The following NCOA1 variants were observed in gnomAD, a reference collection of about 807,000 sequenced individuals.
NCOA1 encodes the protein Hin-2 protein.
NCOA1 carries 35 observed loss-of-function variants against 150.9 expected under a neutral mutation model. The observed-to-expected ratio is 0.23, with a 90% CI of 0.18 to 0.31. The LOEUF (loss-of-function observed/expected upper bound fraction) is 0.31. Ranked by LOEUF, NCOA1 falls within the 10% of genes least tolerant of loss-of-function variation. NCOA1 has a pLI of 1.00. For missense variants in NCOA1, 1,491 were observed against 1,749.3 expected, an observed-to-expected ratio of 0.85 and a Z score of 2.63; for synonymous variants, 590 against 630.0, an observed-to-expected ratio of 0.94 and a Z score of 0.95.
intron 14 of NCOA1, among the ~76,000 whole-genome samples, chr2:24,722,526 C>T (rs941416053): frequency 2.6e-5 from 4 of 151,912 alleles, no homozygotes; most frequent in African/African-American, 9.7e-5. Context: ...AAAAGTGTAC[C>T]TATGAGGAAA....
chr2:24,603,195 C>A (rs574622050), intron 3 of NCOA1, among the ~76,000 whole-genome samples: 151 of 152,184 alleles, frequency 9.9e-4, no homozygotes, highest in African/African-American at 3.5e-3. Context: ...AATATATATA[C>A]CTTAATTAAA....
At chr2:24,664,401 C>A (rs1671318763) in intron 5 of NCOA1, among the ~76,000 whole-genome samples, 1 of 152,010 alleles carries the variant, frequency 6.6e-6, no homozygotes, top group African/African-American at 2.4e-5. Flanking sequence ...TTTTTATAGT[C>A]TTTAATATTA....
chr2:24,537,594 T>C (rs1402007037), intron 1 of NCOA1, among the ~76,000 whole-genome samples: 1 of 151,490 alleles, frequency 6.6e-6, no homozygotes, highest in African/African-American at 2.4e-5. Context: ...GGTGAGGAAA[T>C]GGGGATATGT....
chr2:24,691,455 G>C, intron 8 of NCOA1, 26 bp from the exon 9 acceptor site: 1 of 1,606,658 alleles, frequency 6.2e-7, no homozygotes, highest in Non-Finnish European at 8.5e-7. Flanking sequence ...ATATTCGCAA[G>C]CACATAATCA....
intron 4 of NCOA1, among the ~76,000 whole-genome samples, chr2:24,647,403 T>G (rs1194279846): frequency 6.6e-6 from 1 of 152,180 alleles, no homozygotes; most frequent in Admixed American, 6.5e-5. Context: ...TAACATGGAT[T>G]ATAATATTAC....
At chr2:24,733,432 A>G (rs1444548186) in intron 17 of NCOA1, among the ~76,000 whole-genome samples, 1 of 152,256 alleles carries the variant, frequency 6.6e-6, no homozygotes, top group Admixed American at 6.5e-5. Flanking sequence ...AAATAATACA[A>G]CTATTTATAT....
intron 3 of NCOA1, among the ~76,000 whole-genome samples, chr2:24,588,326 T>C (rs1667503714): frequency 6.6e-6 from 1 of 152,168 alleles, no homozygotes; most frequent in African/African-American, 2.4e-5. Flanking sequence ...CAAGCAATCC[T>C]CCCACTTCAG....
At chr2:24,750,276 A>G (rs939653210) in intron 19 of NCOA1, among the ~76,000 whole-genome samples, 1 of 152,364 alleles carries the variant, frequency 6.6e-6, no homozygotes, top group Admixed American at 6.5e-5. Context: ...GAAAATGCAA[A>G]GGACCTAGAG....
chr2:24,516,382 CG>C (rs1470445284), intron 1 of NCOA1, among the ~76,000 whole-genome samples: 2 of 151,198 alleles, frequency 1.3e-5, no homozygotes, highest in Non-Finnish European at 3.0e-5. Context: ...TTAGTAGAGA[CG>C]GGGTTTCACC....
rs550249173 is a variant in NCOA1, at chr2:24,516,753, G to A, written c.-396+25151G>A. On this transcript the variant is annotated intron_variant, in intron 1 of 22. Coordinates refer to ENST00000348332, the MANE Select transcript of NCOA1 (RefSeq NM_003743.5). ...TTCTCACTTTCTCTCTTATACCTCT[G>A]TTACTCCCATTGCTGTGAAGTTGCC... Among the ~76,000 whole-genome samples, 35 of 145,022 alleles carry A rather than the reference G, an allele frequency of 2.4e-4. No homozygotes were observed. In the South Asian group the frequency reaches 7.0e-3, roughly 29 times the overall value.
intron 1 of NCOA1, among the ~76,000 whole-genome samples, chr2:24,526,755 G>A (rs1354874857): frequency 1.3e-5 from 2 of 151,772 alleles, no homozygotes; most frequent in Non-Finnish European, 2.9e-5. Context: ...TATATTTAAG[G>A]TGTACAACAT....
chr2:24,742,306 G>T, intron 19 of NCOA1, 120 bp downstream of exon 19: 2 of 1,215,612 alleles, frequency 1.6e-6, no homozygotes, highest in African/African-American at 1.5e-5. Flanking sequence ...ACACTGACGT[G>T]GGAGTCTGGA....
At position 24,760,769 on chromosome 2, in the gene NCOA1, G is replaced by A. The variant is rs55775086; in HGVS notation, c.4066-1918G>A. On this transcript the variant is annotated intron_variant, in intron 21 of 22. Coordinates refer to ENST00000348332, the MANE Select transcript of NCOA1 (RefSeq NM_003743.5). ...TATTTTCTTCATATTTCTTATTCTT[G>A]GGGTTCATTGAGCTTCTTGATTCAT... is the stretch of plus-strand genomic sequence containing the variant. 4.4e-3 allele frequency among the ~76,000 whole-genome samples: 670 copies of A among 151,990 alleles called. 6 individuals are homozygous for A. Among genetic ancestry groups the A allele is most frequent in the African/African-American group, 0.015 (641 of 41,438 alleles).
chr2:24,499,446 A>G (rs1335679026), intron 1 of NCOA1, among the ~76,000 whole-genome samples: 1 of 152,128 alleles, frequency 6.6e-6, no homozygotes, highest in Non-Finnish European at 1.5e-5. Context: ...TGTTTATCAG[A>G]TCTAATTTCA....
chr2:24,591,264 A>G (rs1396413432), intron 3 of NCOA1, among the ~76,000 whole-genome samples: 1 of 152,202 alleles, frequency 6.6e-6, no homozygotes, highest in Admixed American at 6.5e-5. Flanking sequence ...TCTTAAGTAA[A>G]ACATAATAAT....
At chr2:24,751,321 A>G (rs1244347901) in intron 19 of NCOA1, among the ~76,000 whole-genome samples, 1 of 149,370 alleles carries the variant, frequency 6.7e-6, no homozygotes, top group Non-Finnish European at 1.5e-5. Context: ...GGTGGCTCAC[A>G]CCTGTAATCC....
intron 19 of NCOA1, among the ~76,000 whole-genome samples, chr2:24,745,158 T>C (rs1663832779): frequency 8.2e-6 from 1 of 121,942 alleles, no homozygotes; most frequent in Non-Finnish European, 1.7e-5. Flanking sequence ...TTCTTTTTTC[T>C]TTTTTTTTTT....
chr2:24,711,948 T>A (rs1175418480), intron 14 of NCOA1, among the ~76,000 whole-genome samples: 3 of 152,266 alleles, frequency 2.0e-5, no homozygotes, highest in Non-Finnish European at 4.4e-5. Context: ...TGGTATCATA[T>A]GTGGGACTTC....
rs1397942637 is a variant in NCOA1 at position 24,514,316 on chromosome 2, CAAAAAGAA to C, written c.-396+22726_-396+22733del. ...AAAAAAAAAAAAAAAAGGAAAAAAACAAAAAGAAAAAAAGAAAAATAGCAAAATTTTTT... is the reference window on the plus strand; with the variant it reads ...AAAAAAAAAAAAAAAAGGAAAAAAACAAAAAGAAAAATAGCAAAATTTTTT... On this transcript the variant is annotated intron_variant, in intron 1 of 22. Transcript: ENST00000348332. Among the ~76,000 whole-genome samples, 14 of 124,592 alleles carry C rather than the reference CAAAAAGAA, an allele frequency of 1.1e-4. 1 individual carries two copies. The highest frequency in any genetic ancestry group is 7.7e-4 in the South Asian group (3 of 3,878). The allele number at this position is 124,592 out of a possible 152,430, so 81.7% of individuals were successfully genotyped here.
Sources: allele counts gnomAD v4.1 joint callset (sites outside exome capture counted in the v4.1 genomes callset), GRCh38; gene constraint gnomAD v4.1.1; transcripts MANE v1.5; gene names NCBI Gene and HGNC (gene_info 2026-07-23, HGNC 2026-07-21).